GRK3: variants seen among roughly 807,000 people sequenced by gnomAD.
GRK3 encodes the protein adrenergic, beta, receptor kinase 2.
GRK3 carries 54 observed loss-of-function variants against 95.7 expected under a neutral mutation model. That is an observed-to-expected ratio of 0.56 (90% CI 0.45 to 0.71). The LOEUF is 0.71. Ranked by LOEUF, GRK3 falls within the 30% of genes least tolerant of loss-of-function variation. The pLI is 0.00. For missense variants in GRK3, 649 were observed against 851.2 expected (o/e 0.76, Z 2.96); for synonymous variants, 281 against 290.8 (o/e 0.97, Z 0.34).
At chr22:25,681,679 A>G (rs1348632408) in intron 9 of GRK3, among the ~76,000 whole-genome samples, 3 of 152,220 alleles carry the variant, frequency 2.0e-5, no homozygotes, top group South Asian at 4.1e-4. Flanking sequence ...CTCCGGCTGC[A>G]GTGTGGAGGA....
intron 9 of GRK3, 113 bp downstream of exon 9, chr22:25,679,028 G>T (rs2085054291): frequency 1.5e-6 from 1 of 660,054 alleles, no homozygotes; most frequent in Non-Finnish European, 2.6e-6. Context: ...TCTTGGGTGG[G>T]TTAGAATCTG....
At chr22:25,589,895 G>T (rs1417354351) in intron 1 of GRK3, among the ~76,000 whole-genome samples, 1 of 151,938 alleles carries the variant, frequency 6.6e-6, no homozygotes, top group Non-Finnish European at 1.5e-5. Context: ...GAGAGTGTGT[G>T]CAGGGGAACT....
At chr22:25,646,982 T>C (rs912817403) in intron 3 of GRK3, among the ~76,000 whole-genome samples, 5 of 142,312 alleles carry the variant, frequency 3.5e-5, no homozygotes, top group Admixed American at 1.4e-4. Flanking sequence ...TATCTTGCCA[T>C]TGCACTCTAG....
chr22:25,640,257 A>G (rs1198325644), intron 2 of GRK3, among the ~76,000 whole-genome samples: 1 of 152,212 alleles, frequency 6.6e-6, no homozygotes, highest in Non-Finnish European at 1.5e-5. Context: ...TTTGTCTCAC[A>G]GCTCAGAAAG....
chr22:25,627,517 G>A (rs2084636577), intron 2 of GRK3, among the ~76,000 whole-genome samples: 1 of 152,146 alleles, frequency 6.6e-6, no homozygotes, highest in Non-Finnish European at 1.5e-5. Context: ...TCTATAGCCC[G>A]TTAATCTTTC....
At chr22:25,652,257 ACT>A (rs199881584) in intron 3 of GRK3, among the ~76,000 whole-genome samples, 3,398 of 152,154 alleles carry the variant, frequency 0.022, 61 homozygotes, top group Middle Eastern at 0.068. Context: ...ACACAGTGAA[ACT>A]CTGTCTCTAC....
intron 16 of GRK3, 96 bp from the exon 17 acceptor site, chr22:25,710,972 G>A (rs368346645): frequency 2.0e-5 from 12 of 599,370 alleles, no homozygotes; most frequent in African/African-American, 5.6e-5. Flanking sequence ...TGGAGCATGC[G>A]GATATCTCGC....
chr22:25,579,287 A>T (rs7284946), intron 1 of GRK3, among the ~76,000 whole-genome samples: 1 of 150,848 alleles, frequency 6.6e-6, no homozygotes, highest in Non-Finnish European at 1.5e-5. Context: ...GCTGGGACTA[A>T]GGGCACATGC....
At chr22:25,692,089 A>G (rs1455726714) in intron 12 of GRK3, among the ~76,000 whole-genome samples, 1 of 152,016 alleles carries the variant, frequency 6.6e-6, no homozygotes, top group African/African-American at 2.4e-5. Context: ...TCAGCTTCCC[A>G]GGTAGCTGGG....
intron 2 of GRK3, among the ~76,000 whole-genome samples, chr22:25,624,147 C>T (rs1397924024): frequency 6.6e-6 from 1 of 152,090 alleles, no homozygotes; most frequent in Admixed American, 6.6e-5. Flanking sequence ...TTTCAGCGTT[C>T]ATTGTGAACA....
chr22:25,585,202 T>TGG (rs1191684722), intron 1 of GRK3, among the ~76,000 whole-genome samples: 2 of 152,268 alleles, frequency 1.3e-5, no homozygotes, highest in Non-Finnish European at 2.9e-5. Flanking sequence ...CAGGAGGAAG[T>TGG]GGGGTGCACA....
At chr22:25,612,284 A>G (rs1017028226) in intron 2 of GRK3, among the ~76,000 whole-genome samples, 7 of 152,142 alleles carry the variant, frequency 4.6e-5, no homozygotes, top group African/African-American at 1.4e-4. Flanking sequence ...CAAGGTCTAA[A>G]TCTATCTTTT....
At chr22:25,629,877 G>A (rs922694042) in intron 2 of GRK3, among the ~76,000 whole-genome samples, 1 of 152,146 alleles carries the variant, frequency 6.6e-6, no homozygotes, top group African/African-American at 2.4e-5. Context: ...GAACACTGAC[G>A]TTTTAGCATT....
chr22:25,584,395 G>C (rs28712807), intron 1 of GRK3, among the ~76,000 whole-genome samples: 4 of 128,778 alleles, frequency 3.1e-5, no homozygotes, highest in Non-Finnish European at 5.3e-5. Context: ...CTGCCCTGTG[G>C]GTCCCTTAGT....
chr22:25,574,814 A>C (rs775632124), intron 1 of GRK3, among the ~76,000 whole-genome samples: 2 of 152,170 alleles, frequency 1.3e-5, no homozygotes, highest in African/African-American at 4.8e-5. Flanking sequence ...TCATGCAATA[A>C]ATATCGTCAT....
At chr22:25,682,747 A>C (rs539633041) in intron 9 of GRK3, among the ~76,000 whole-genome samples, 2 of 152,228 alleles carry the variant, frequency 1.3e-5, no homozygotes, top group African/African-American at 4.8e-5. Flanking sequence ...ATGAATTTTC[A>C]TAAGGGAATA....
intron 1 of GRK3, among the ~76,000 whole-genome samples, chr22:25,598,198 A>T (rs1183258740): frequency 1.3e-5 from 2 of 152,218 alleles, no homozygotes; most frequent in Non-Finnish European, 2.9e-5. Flanking sequence ...TGTTATTTAG[A>T]GGTAGACTAT....
chr22:25,623,536 G>T (rs1386460591), intron 2 of GRK3, among the ~76,000 whole-genome samples: 1 of 152,190 alleles, frequency 6.6e-6, no homozygotes, highest in Admixed American at 6.5e-5. Context: ...ATTGTTTCTA[G>T]TGTAATGTGT....
chr22:25,631,642 G>A (rs2084664908), intron 2 of GRK3, among the ~76,000 whole-genome samples: 1 of 152,138 alleles, frequency 6.6e-6, no homozygotes, highest in Admixed American at 6.5e-5. Flanking sequence ...CTACAATTCT[G>A]TGAGTTTTGA....
Sources: allele counts gnomAD v4.1 joint callset (sites outside exome capture counted in the v4.1 genomes callset), GRCh38; gene constraint gnomAD v4.1.1; transcripts MANE v1.5; gene names NCBI Gene and HGNC (gene_info 2026-07-23, HGNC 2026-07-21).